The following PPP1CB variants were observed in gnomAD, a reference collection of about 807,000 sequenced individuals.
PPP1CB encodes the protein protein phosphatase 1 catalytic subunit beta, also known as serine/threonine-protein phosphatase PP1-beta catalytic subunit.
A neutral mutation model predicts 43.7 loss-of-function variants in PPP1CB; 2 were observed. The observed-to-expected ratio is 0.05, with a 90% CI of 0.02 to 0.14. PPP1CB has a LOEUF of 0.14. Among genes scored for constraint, PPP1CB ranks in the 10% least tolerant of loss-of-function variants. The pLI, the probability that PPP1CB is intolerant of heterozygous loss-of-function variation, is 1.00. For missense variants in PPP1CB, 84 were observed against 398.0 expected (o/e 0.21, Z 6.71); for synonymous variants, 136 against 135.6 (o/e 1.00, Z -0.02).
intron 3 of PPP1CB, 32 bp from the exon 4 acceptor site, chr2:28,781,703 GATT>G (rs1558306356): frequency 1.4e-6 from 2 of 1,443,540 alleles, no homozygotes; most frequent in Admixed American, 3.9e-5. Flanking sequence ...AACAGTTTTA[GATT>G]TTTTAATTTA....
Position 28,781,761 on chromosome 2 carries a change from T to C in PPP1CB, c.439T>C (p.Leu147=), listed in dbSNP as rs1572460811. 1 of 1,604,830 alleles carries C rather than the reference T, an allele frequency of 6.2e-7. No individual in the cohort carries two copies. Residue 147 remains leucine, a synonymous_variant, in exon 4 of 8, where the codon TTG becomes CTG. Transcript: ENST00000395366. The stretch of plus-strand genomic sequence containing the variant: ...AGGCAAACGAAGATTTAATATTAAA[T>C]TGTGGAAGACCTTCACTGATTGTTT... ...DECKRRFNIK[L]WKTFTDCFNC... is the part of the protein sequence containing the mutation.
Position 28,802,091 on chromosome 2 carries a change from C to T in PPP1CB, c.*2788C>T, listed in dbSNP as rs1198136478. The T allele has an allele frequency of 6.6e-6, 1 of 151,920 alleles. No individual in the cohort carries two copies. The highest frequency in any genetic ancestry group is 1.5e-5 in the Non-Finnish European group (1 of 67,992). The allele number at this position is 151,920 out of a possible 1,614,324, so 9.4% of individuals were successfully genotyped here. A position where few individuals can be genotyped will look rare whatever the true frequency, so the allele number is the denominator to read the frequency against. On this transcript the variant is annotated 3_prime_UTR_variant, in exon 8 of 8. Transcript: ENST00000395366. ...AATGCTGGCAAGAAGAATTTTAAAGCTTAAAATAGGTGGTAAATTTGAAGT... is the reference window on the plus strand; with the variant it reads ...AATGCTGGCAAGAAGAATTTTAAAGTTTAAAATAGGTGGTAAATTTGAAGT...
intron 5 of PPP1CB, among the ~76,000 whole-genome samples, chr2:28,784,596 G>A (rs1358023497): frequency 1.3e-5 from 2 of 151,920 alleles, no homozygotes; most frequent in Non-Finnish European, 2.9e-5. Flanking sequence ...GAGACCTGTG[G>A]TCAGTTTTGT....
chr2:28,762,170 A>C (rs1666671371), intron 1 of PPP1CB, among the ~76,000 whole-genome samples: 1 of 152,176 alleles, frequency 6.6e-6, no homozygotes, highest in Non-Finnish European at 1.5e-5. Flanking sequence ...CTGTATTCCC[A>C]GCTACTTGGG....
At chr2:28,768,946 TG>T (rs1666839742) in intron 1 of PPP1CB, among the ~76,000 whole-genome samples, 1 of 152,036 alleles carries the variant, frequency 6.6e-6, no homozygotes. Flanking sequence ...AGACATACAA[TG>T]GGATGGAAAT....
chr2:28,759,955 C>T (rs1666603112), intron 1 of PPP1CB, among the ~76,000 whole-genome samples: 1 of 106,262 alleles, frequency 9.4e-6, no homozygotes, highest in African/African-American at 3.8e-5. Context: ...CTAGTTAAAA[C>T]CGACTCAGGC....
intron 1 of PPP1CB, among the ~76,000 whole-genome samples, chr2:28,753,558 CAGT>C (rs1373230668): frequency 6.6e-6 from 1 of 152,162 alleles, no homozygotes; most frequent in African/African-American, 2.4e-5. Flanking sequence ...TGCCTGCAGT[CAGT>C]GTTCACTACC....
intron 1 of PPP1CB, among the ~76,000 whole-genome samples, chr2:28,765,610 C>T (rs1348929691): frequency 6.6e-6 from 1 of 152,178 alleles, no homozygotes; most frequent in East Asian, 1.9e-4. Context: ...CTTGGCAGCA[C>T]GGGTTATGTA....
chr2:28,758,593 C>T (rs765210149), intron 1 of PPP1CB, among the ~76,000 whole-genome samples: 6 of 152,144 alleles, frequency 3.9e-5, no homozygotes, highest in Non-Finnish European at 8.8e-5. Flanking sequence ...TATAAATAAC[C>T]AGTAGCCAGT....
chr2:28,764,881 A>G (rs1461964138), intron 1 of PPP1CB, among the ~76,000 whole-genome samples: 1 of 151,834 alleles, frequency 6.6e-6, no homozygotes, highest in African/African-American at 2.4e-5. Flanking sequence ...AGATCATGCC[A>G]TTATACTCCA....
chr2:28,786,954 C>A (rs1008348387), intron 5 of PPP1CB, among the ~76,000 whole-genome samples: 9 of 151,946 alleles, frequency 5.9e-5, no homozygotes, highest in African/African-American at 2.2e-4. Flanking sequence ...ATTTTGTGTG[C>A]TAGTGAATTT....
chr2:28,788,885 T>G, intron 6 of PPP1CB, 76 bp downstream of exon 6: 2 of 1,364,352 alleles, frequency 1.5e-6, no homozygotes, highest in Non-Finnish European at 9.8e-7. Context: ...GCAGACAGAT[T>G]CTTGTTCTGT....
At chr2:28,779,942 G>A (rs1303735779) in intron 3 of PPP1CB, among the ~76,000 whole-genome samples, 2 of 152,118 alleles carry the variant, frequency 1.3e-5, no homozygotes, top group Non-Finnish European at 2.9e-5. Flanking sequence ...CTCCAGCATT[G>A]ATTGGCCTTC....
intron 3 of PPP1CB, among the ~76,000 whole-genome samples, chr2:28,780,132 A>G (rs1179630795): frequency 4.0e-5 from 5 of 125,864 alleles, no homozygotes; most frequent in East Asian, 5.2e-4. Context: ...CTTCTTGCCC[A>G]GGCTGGAGTG....
intron 5 of PPP1CB, among the ~76,000 whole-genome samples, 170 bp from the exon 6 acceptor site, chr2:28,788,488 T>G (rs1305938214): frequency 1.3e-5 from 2 of 152,242 alleles, no homozygotes; most frequent in African/African-American, 4.8e-5. Flanking sequence ...GTTTGTATGG[T>G]TGCTTTAACA....
chr2:28,752,864 T>A (rs1466352155), intron 1 of PPP1CB, among the ~76,000 whole-genome samples: 1 of 152,246 alleles, frequency 6.6e-6, no homozygotes, highest in Non-Finnish European at 1.5e-5. Flanking sequence ...GCTGAAGGGA[T>A]TGGCTTTTGC....
At chr2:28,761,920 G>C (rs572254374) in intron 1 of PPP1CB, among the ~76,000 whole-genome samples, 30 of 152,292 alleles carry the variant, frequency 2.0e-4, no homozygotes, top group African/African-American at 7.2e-4. Flanking sequence ...GTAAAGAATT[G>C]AAAACGAGCT....
chr2:28,757,478 AT>A (rs1190901711), intron 1 of PPP1CB, among the ~76,000 whole-genome samples: 1 of 152,090 alleles, frequency 6.6e-6, no homozygotes, highest in Non-Finnish European at 1.5e-5. Context: ...CTCTTTACTG[AT>A]TAAATTGTTT....
At chr2:28,775,408 C>G (rs916572171) in intron 1 of PPP1CB, among the ~76,000 whole-genome samples, 2 of 152,102 alleles carry the variant, frequency 1.3e-5, no homozygotes, top group African/African-American at 4.8e-5. Flanking sequence ...CGTGCCCGGC[C>G]TTTATTTTTA....
Sources: gnomAD v4.1 joint callset for allele counts (sites outside exome capture counted in the v4.1 genomes callset) on GRCh38, gnomAD v4.1.1 for gene constraint, MANE v1.5 for transcripts, NCBI Gene and HGNC (gene_info 2026-07-23, HGNC 2026-07-21) for gene names.